RHOBTB2: variants seen among roughly 807,000 people sequenced by gnomAD.
RHOBTB2 encodes the protein rho-related BTB domain-containing protein 2.
RHOBTB2 carries 39 observed loss-of-function variants against 66.5 expected under a neutral mutation model. The ratio of observed to expected loss-of-function variants is 0.59; its 90% confidence interval spans 0.45 to 0.77. The LOEUF is 0.77. RHOBTB2 is among the 30% of genes least tolerant of loss of function. The probability of loss-of-function intolerance (pLI) is 0.00; values close to 1 mark genes in which losing one functional copy is unlikely to be tolerated. For synonymous variants in RHOBTB2, 390 were observed against 395.0 expected, an observed-to-expected ratio of 0.99 and a Z score of 0.15; for missense variants, 755 against 999.1, an observed-to-expected ratio of 0.76 and a Z score of 3.29.
chr8:22,981,936 C>T, the RHOBTB2 span, among the ~76,000 whole-genome samples: 1 of 152,172 alleles, frequency 6.6e-6, no homozygotes, highest in Non-Finnish European at 1.5e-5. Context: ...TGCAACTGGC[C>T]ACTTTGCCCA....
At chr8:23,002,864 C>T (rs1810826401) in intron 1 of RHOBTB2, among the ~76,000 whole-genome samples, 1 of 152,212 alleles carries the variant, frequency 6.6e-6, no homozygotes, top group Non-Finnish European at 1.5e-5. Context: ...GAAGTCCTTG[C>T]TGCACTTTTT....
Position 23,008,104 on chromosome 8 carries a change from C to T in RHOBTB2, c.1613C>T (p.Thr538Ile), listed in dbSNP as rs1563292878. The T allele has an allele frequency of 1.9e-6, 3 of 1,608,864 alleles. No individual in the cohort carries two copies. The highest frequency in any genetic ancestry group is 2.2e-5 in the East Asian group (1 of 44,856). Residue 538 changes from threonine to isoleucine, a missense_variant, in exon 6 of 10, where the codon ACC becomes ATC. Thr to Ile is a moderately conservative substitution (Grantham distance 89). Around this residue, in one of 7 missense-constraint regions of RHOBTB2, gnomAD observed 353 missense variants for 458.2 expected, o/e 0.77. Coordinates refer to ENST00000251822, the MANE Select transcript of RHOBTB2 (RefSeq NM_015178.3). ...GGGGGGCCATTTGTGGAGAGCTCCACCCGGGAGGTAAGGCTGAGGACACAA... is the reference window on the plus strand; with the variant it reads ...GGGGGGCCATTTGTGGAGAGCTCCATCCGGGAGGTAAGGCTGAGGACACAA... ...MFGGPFVESS[T>I]REVVFPYTSK... is the part of the protein sequence containing the mutation.
upstream of RHOBTB2, among the ~76,000 whole-genome samples, chr8:22,995,447 T>C (rs891238344): frequency 2.0e-5 from 3 of 152,172 alleles, no homozygotes; most frequent in Non-Finnish European, 4.4e-5. Context: ...CTTTGTCAAG[T>C]GTAAGAAAGT....
At chr8:22,995,834 G>T, upstream of RHOBTB2, 1 of 1,551,550 alleles carries the variant, frequency 6.4e-7, no homozygotes. Flanking sequence ...CATGGGGTGG[G>T]CTCCGCAGAG....
chr8:23,001,007 G>A lies in RHOBTB2; in HGVS notation c.-11+902G>A, dbSNP rs539262021. The stretch of plus-strand genomic sequence containing the variant: ...GCAAAGAGTGTGTGTAGGGGTGTGG[G>A]GGTGGGACTGGGAGAGCACGAGGTT... On this transcript the variant is annotated intron_variant, in intron 1 of 9. Coordinates refer to ENST00000251822, the MANE Select transcript of RHOBTB2 (RefSeq NM_015178.3). Among the ~76,000 whole-genome samples, 5 of 151,912 alleles carry A rather than the reference G, an allele frequency of 3.3e-5. No homozygotes were observed. The East Asian group carries it at 9.7e-4, about 29-fold the overall frequency.
chr8:23,017,415 G>A lies in RHOBTB2; in HGVS notation c.2130G>A (p.Pro710=), dbSNP rs199886680. 38 of 1,612,556 alleles carry A rather than the reference G, an allele frequency of 2.4e-5. No individual in the cohort carries two copies. The East Asian group carries it at 5.8e-4, about 25-fold the overall frequency. Residue 710 remains proline, a synonymous_variant, in exon 10 of 10, where the codon CCG becomes CCA. Transcript: ENST00000251822. The surrounding 1 kb of genome is among the most constrained non-coding windows in gnomAD (Gnocchi z 5.3). ...TCTTCTGGAACAGTCCATCCTCCCC[G>A]TCTTCCTCGGCAGCCTCCTCCTCAT... ...RWLFWNSPSS[P]SSSAASSSSP...
Position 23,007,023 on chromosome 8 carries a change from C to T in RHOBTB2, c.778C>T (p.Leu260=). Residue 260 remains leucine, a synonymous_variant, in exon 5 of 10, where the codon CTG becomes TTG. Transcript: ENST00000251822. The part of the protein sequence containing the change: ...SSSEECPAHL[L]EDPLCADVIL... ...CAGCGAGGAGTGCCCCGCCCACCTCCTGGAGGACCCGCTCTGCGCGGACGT... is the reference window on the plus strand; with the variant it reads ...CAGCGAGGAGTGCCCCGCCCACCTCTTGGAGGACCCGCTCTGCGCGGACGT... 6.2e-7 allele frequency: 1 copy of T among 1,608,712 alleles called. No homozygotes were observed. Among genetic ancestry groups the T allele is most frequent in the Non-Finnish European group, 8.5e-7 (1 of 1,178,688 alleles).
chr8:22,999,536 G>A, upstream of RHOBTB2: 1 of 1,136,324 alleles, frequency 8.8e-7, no homozygotes. Flanking sequence ...CCAACTGCGC[G>A]CGGCAGTGGG....
intron 2 of RHOBTB2, among the ~76,000 whole-genome samples, chr8:22,993,376 T>C (rs1810471092): frequency 6.6e-6 from 1 of 152,120 alleles, no homozygotes; most frequent in African/African-American, 2.4e-5. Context: ...CTCCGTGCTG[T>C]CTGCCCTCCA....
At position 23,011,901 on chromosome 8, in the gene RHOBTB2, G is replaced by A. The variant is rs1048151573; in HGVS notation, c.1771+1213G>A. Among the ~76,000 whole-genome samples, 49 of 152,220 alleles carry A rather than the reference G, an allele frequency of 3.2e-4. 3 individuals are homozygous for A. Among genetic ancestry groups the A allele is most frequent in the South Asian group, 2.1e-4 (1 of 4,832 alleles). ...TCAAGATCGGGGCTCAGATATGAGG[G>A]AAAACAGCAATCCGTGAGGAAAAAT... On this transcript the variant is annotated intron_variant, in intron 7 of 9. Transcript: ENST00000251822.
intron 8 of RHOBTB2, 57 bp from the exon 9 acceptor site, chr8:23,015,581 A>T (rs754354006): frequency 7.9e-7 from 1 of 1,258,908 alleles, no homozygotes; most frequent in Non-Finnish European, 1.2e-6. Context: ...GGAGGTGTCT[A>T]TGCAGACCCT....
At chr8:22,991,958 C>G (rs980271577) in intron 1 of RHOBTB2, 1 of 152,254 alleles carries the variant, frequency 6.6e-6, no homozygotes, top group Non-Finnish European at 1.5e-5. Flanking sequence ...GTTTACTACA[C>G]AGATCCTGTA....
At chr8:22,982,619 C>G (rs956376498), upstream of RHOBTB2, among the ~76,000 whole-genome samples, 6 of 152,170 alleles carry the variant, frequency 3.9e-5, no homozygotes, top group Non-Finnish European at 8.8e-5. Context: ...GAGGTTGAGG[C>G]TGCAATGAGC....
At chr8:22,970,390 A>C in the RHOBTB2 span, among the ~76,000 whole-genome samples, 1 of 152,100 alleles carries the variant, frequency 6.6e-6, no homozygotes, top group African/African-American at 2.4e-5. Flanking sequence ...ATACCATGAC[A>C]TTGGCCATTA....
rs764934978 is a variant in RHOBTB2, at chr8:23,010,633, G to A, written c.1716G>A (p.Met572Ile). ...CCTCCAGCCCCGACCTGGATGACATGAAGCTCATCATTCTAGCCAACCGCC... is the reference window on the plus strand; with the variant it reads ...CCTCCAGCCCCGACCTGGATGACATAAAGCTCATCATTCTAGCCAACCGCC... ...MFTSSPDLDD[M>I]KLIILANRLC... Residue 572 changes from methionine to isoleucine, a missense_variant, in exon 7 of 10, where the codon ATG becomes ATA. Transcript: ENST00000251822. 1 of 1,614,176 alleles carries A rather than the reference G, an allele frequency of 6.2e-7. No homozygotes were observed. Among genetic ancestry groups the A allele is most frequent in the Admixed American group, 1.7e-5 (1 of 60,020 alleles).
chr8:22,969,221 A>G, the RHOBTB2 span, among the ~76,000 whole-genome samples: 109 of 152,316 alleles, frequency 7.2e-4, no homozygotes, highest in African/African-American at 2.5e-3. Flanking sequence ...TGTGTGACTT[A>G]TTCACTACCA....
intron 7 of RHOBTB2, among the ~76,000 whole-genome samples, chr8:23,011,699 G>A (rs534238524): frequency 1.6e-4 from 24 of 152,304 alleles, no homozygotes; most frequent in African/African-American, 4.8e-4. Flanking sequence ...GACGGCTCTC[G>A]TTCATGTTGG....
At chr8:22,951,932 G>C in the RHOBTB2 span, among the ~76,000 whole-genome samples, 1 of 152,178 alleles carries the variant, frequency 6.6e-6, no homozygotes, top group South Asian at 2.1e-4. Flanking sequence ...TGTTGGCCAA[G>C]TTGGTCTCAA....
Position 22,999,767 on chromosome 8 carries a change from GC to G in RHOBTB2, c.-345del, listed in dbSNP as rs1187821425. The G allele has an allele frequency of 2.4e-5, 24 of 986,266 alleles. No individual in the cohort carries two copies. In the East Asian group the frequency reaches 3.3e-4, roughly 14 times the overall value. 61.1% of individuals were successfully genotyped at this position (986,266 alleles called of 1,614,324 possible). A position where few individuals can be genotyped will look rare whatever the true frequency, so the allele number is the denominator to read the frequency against. ...GCGGCGGCCTCGCCCCTCTCCCGGC[GC>G]CCCTGCGCGCCGCCCGCTGCCTCCG... On this transcript the variant is annotated 5_prime_UTR_variant, in exon 1 of 10. The change abolishes the stop of an existing upstream ORF in the 5' untranslated region. Coordinates refer to ENST00000251822, the MANE Select transcript of RHOBTB2 (RefSeq NM_015178.3).
Sources: allele counts gnomAD v4.1 joint callset (sites outside exome capture counted in the v4.1 genomes callset), GRCh38; gene constraint gnomAD v4.1.1; regional missense constraint gnomAD v4.1.1; non-coding constraint Gnocchi (gnomAD v3.1); transcripts MANE v1.5; gene names NCBI Gene and HGNC (gene_info 2026-07-23, HGNC 2026-07-21).